The following SLC5A4 variants were observed in gnomAD, a reference collection of about 807,000 sequenced individuals.
SLC5A4 encodes probable glucose sensor protein SLC5A4.
In SLC5A4, 55 loss-of-function variants were observed where a neutral mutation model predicts 70.3. That is an observed-to-expected ratio of 0.78 (90% CI 0.63 to 0.98). The LOEUF is 0.98. SLC5A4 is among the 50% of genes least tolerant of loss of function. The probability of loss-of-function intolerance (pLI) is 0.00; values close to 1 mark genes in which losing one functional copy is unlikely to be tolerated. For synonymous variants in SLC5A4, 268 were observed against 305.7 expected, an observed-to-expected ratio of 0.88 and a Z score of 1.29; for missense variants, 735 against 839.2, an observed-to-expected ratio of 0.88 and a Z score of 1.53.
At chr22:32,239,562 ATATATATT>A (rs1569374919) in intron 5 of SLC5A4, among the ~76,000 whole-genome samples, 3 of 20,514 alleles carry the variant, frequency 1.5e-4, no homozygotes, top group Non-Finnish European at 2.9e-4. Flanking sequence ...ATATATATAT[ATATATATT>A]TATATATATA....
the SLC5A4 span, among the ~76,000 whole-genome samples, chr22:32,329,741 G>GA: frequency 1.4e-5 from 1 of 69,254 alleles, no homozygotes; most frequent in Non-Finnish European, 2.8e-5. Flanking sequence ...GTGTGTGTTG[G>GA]GGGCTCTGGT....
the SLC5A4 span, among the ~76,000 whole-genome samples, chr22:32,299,375 A>T: frequency 7.3e-6 from 1 of 137,340 alleles, no homozygotes; most frequent in African/African-American, 2.7e-5. Flanking sequence ...TTTTTCTCTA[A>T]ACTTCCCTTC....
At chr22:32,273,218 C>T in the SLC5A4 span, 1 of 344,520 alleles carries the variant, frequency 2.9e-6, no homozygotes, top group South Asian at 2.4e-5. Context: ...TACTATGTAT[C>T]AAGAATCTCA....
chr22:32,323,696 T>C, the SLC5A4 span, among the ~76,000 whole-genome samples: 1 of 152,194 alleles, frequency 6.6e-6, no homozygotes, highest in African/African-American at 2.4e-5. Context: ...AGGCCTCTGC[T>C]TGGTTTCCCC....
the SLC5A4 span, among the ~76,000 whole-genome samples, chr22:32,318,454 G>T: frequency 6.6e-6 from 1 of 151,994 alleles, no homozygotes. Flanking sequence ...CAATTTTTCT[G>T]ACCTCAGGAA....
At chr22:32,326,654 A>G in the SLC5A4 span, among the ~76,000 whole-genome samples, 1 of 152,212 alleles carries the variant, frequency 6.6e-6, no homozygotes, top group African/African-American at 2.4e-5. Context: ...GTACAGGGAC[A>G]TCAAGGAACC....
chr22:32,310,095 G>A, the SLC5A4 span, among the ~76,000 whole-genome samples: 1 of 151,564 alleles, frequency 6.6e-6, no homozygotes, highest in East Asian at 2.0e-4. Flanking sequence ...GGGGGTGGCA[G>A]AAGGAATGTC....
chr22:32,321,193 G>C, the SLC5A4 span, among the ~76,000 whole-genome samples: 2 of 152,330 alleles, frequency 1.3e-5, no homozygotes, highest in East Asian at 3.9e-4. Context: ...GGCTGAGGCA[G>C]AAGAACTGCT....
At chr22:32,324,293 G>A in the SLC5A4 span, among the ~76,000 whole-genome samples, 10 of 138,606 alleles carry the variant, frequency 7.2e-5, no homozygotes, top group African/African-American at 2.2e-4. Flanking sequence ...ACATATATAC[G>A]TATATATACT....
chr22:32,295,623 G>A, the SLC5A4 span, among the ~76,000 whole-genome samples: 10 of 93,914 alleles, frequency 1.1e-4, 3 homozygotes, highest in East Asian at 3.1e-3. Flanking sequence ...TCACTCTGAT[G>A]GTAGTTTCTT....
chr22:32,315,653 A>G, the SLC5A4 span, among the ~76,000 whole-genome samples: 18 of 152,234 alleles, frequency 1.2e-4, no homozygotes, highest in Admixed American at 7.8e-4. Flanking sequence ...AAATAAAACA[A>G]AGACAACAGA....
At chr22:32,220,672 A>C (rs1323935998) in intron 14 of SLC5A4, among the ~76,000 whole-genome samples, 2 of 152,260 alleles carry the variant, frequency 1.3e-5, no homozygotes, top group African/African-American at 2.4e-5. Context: ...GGAACAGGCG[A>C]GTCTGTAACT....
At chr22:32,337,532 CAAAAAGAAA>C in the SLC5A4 span, among the ~76,000 whole-genome samples, 7 of 147,474 alleles carry the variant, frequency 4.7e-5, no homozygotes, top group Non-Finnish European at 7.7e-5. Context: ...AGACTGTCTC[CAAAAAGAAA>C]AAAAAGAAAA....
rs1569375134 is a variant in SLC5A4 at position 32,239,588 on chromosome 22, ATATATAAATT to A, written c.478-508_478-499del. Among the ~76,000 whole-genome samples, 28 of 33,120 alleles carry A rather than the reference ATATATAAATT, an allele frequency of 8.5e-4. 2 individuals are homozygous for A. The highest frequency in any genetic ancestry group is 1.9e-3 in the African/African-American group (9 of 4,804). 21.7% of individuals were successfully genotyped at this position (33,120 alleles called of 152,430 possible). A position where few individuals can be genotyped will look rare whatever the true frequency, so the allele number is the denominator to read the frequency against. On this transcript the variant is annotated intron_variant, in intron 5 of 14. Transcript: ENST00000266086. ...TATATATTTATATATATATTTATATATATATAAATTATATAAAATATATGTATAATATATA... is the reference window on the plus strand; with the variant it reads ...TATATATTTATATATATATTTATATAATATAAAATATATGTATAATATATA...
At chr22:32,329,642 G>GT in the SLC5A4 span, among the ~76,000 whole-genome samples, 1 of 79,918 alleles carries the variant, frequency 1.3e-5, no homozygotes, top group African/African-American at 5.5e-5. Flanking sequence ...AGGGCTCTGG[G>GT]GTGTGTGTTG....
intron 5 of SLC5A4, among the ~76,000 whole-genome samples, chr22:32,242,587 T>C (rs1926599598): frequency 6.6e-6 from 1 of 152,134 alleles, no homozygotes; most frequent in South Asian, 2.1e-4. Flanking sequence ...CGCGTGCCTG[T>C]AGTCCCAGCT....
the SLC5A4 span, among the ~76,000 whole-genome samples, chr22:32,343,963 T>A: frequency 1.3e-5 from 2 of 152,140 alleles, no homozygotes; most frequent in Non-Finnish European, 2.9e-5. Context: ...CCTGTAGGCT[T>A]CGAACAGTTG....
chr22:32,277,347 G>C, the SLC5A4 span, among the ~76,000 whole-genome samples: 1 of 152,114 alleles, frequency 6.6e-6, no homozygotes, highest in Non-Finnish European at 1.5e-5. Context: ...GGAAATGATA[G>C]GTTAGAATAG....
the SLC5A4 span, among the ~76,000 whole-genome samples, chr22:32,279,895 G>C: frequency 1.3e-5 from 2 of 152,112 alleles, no homozygotes; most frequent in Non-Finnish European, 2.9e-5. Context: ...GTCGGTGGGG[G>C]TGGGGAAGGT....
Sources: allele counts gnomAD v4.1 joint callset (sites outside exome capture counted in the v4.1 genomes callset), GRCh38; gene constraint gnomAD v4.1.1; transcripts MANE v1.5; gene names NCBI Gene and HGNC (gene_info 2026-07-23, HGNC 2026-07-21).